Variants in NADK2 observed in about 807,000 individuals in gnomAD.
NADK2 encodes NAD kinase domain-containing protein 1, mitochondrial.
A neutral mutation model predicts 62.1 loss-of-function variants in NADK2; 35 were observed. The ratio of observed to expected loss-of-function variants is 0.56; its 90% confidence interval spans 0.43 to 0.75. NADK2 has a LOEUF of 0.75. Among genes scored for constraint, NADK2 ranks in the 30% least tolerant of loss-of-function variants. The pLI, the probability that NADK2 is intolerant of heterozygous loss-of-function variation, is 0.00. For synonymous variants in NADK2, 205 were observed against 207.9 expected, an observed-to-expected ratio of 0.99 and a Z score of 0.12; for missense variants, 439 against 561.3, an observed-to-expected ratio of 0.78 and a Z score of 2.20.
At chr5:36,211,953 A>T (rs1203099710) in intron 6 of NADK2, 31 bp from the exon 7 acceptor site, 2 of 1,488,230 alleles carry the variant, frequency 1.3e-6, no homozygotes, top group Non-Finnish European at 1.8e-6. Flanking sequence ...AGAAAATCCA[A>T]GATAGCTCCT....
At chr5:36,215,596 C>G (rs958396323) in intron 6 of NADK2, among the ~76,000 whole-genome samples, 1 of 152,150 alleles carries the variant, frequency 6.6e-6, no homozygotes, top group African/African-American at 2.4e-5. Context: ...CTCTGTTTAT[C>G]CCACCTTTCA....
chr5:36,208,726 T>C lies in NADK2; in HGVS notation c.861-1461A>G, dbSNP rs998141374. ...ACAAATAGGAGAAAAGAAAACAAAA[T>C]TGGGCCTTTAAAATGTTCTTAAATC... On this transcript the variant is annotated intron_variant, in intron 7 of 11. Transcript: ENST00000381937. The C allele has an allele frequency of 6.7e-6, 9 of 1,343,698 alleles. No homozygotes were observed. The African/African-American group carries it at 1.0e-4, about 15-fold the overall frequency. The allele number at this position is 1,343,698 out of a possible 1,614,324, so 83.2% of individuals were successfully genotyped here.
Position 36,193,711 on chromosome 5 carries a change from G to T in NADK2, c.*1433C>A, listed in dbSNP as rs951176163. The T allele has an allele frequency of 6.6e-6, 1 of 152,466 alleles. No individual in the cohort carries two copies. The highest frequency in any genetic ancestry group is 3.2e-3 in the Middle Eastern group (1 of 316). The allele number at this position is 152,466 out of a possible 1,614,324, so 9.4% of individuals were successfully genotyped here. ...TTCTCTGGATATACATCAAAACCTA[G>T]ATTAACTTTGTACATTAACATTTAT... On this transcript the variant is annotated 3_prime_UTR_variant, in exon 12 of 12. Transcript: ENST00000381937.
At position 36,241,917 on chromosome 5, in the gene NADK2, G is replaced by T; in HGVS notation, c.-119C>A. 1 of 869,290 alleles carries T rather than the reference G, an allele frequency of 1.2e-6. No homozygotes were observed. The highest frequency in any genetic ancestry group is 1.4e-6 in the Non-Finnish European group (1 of 702,360). 53.8% of individuals were successfully genotyped at this position (869,290 alleles called of 1,614,324 possible). A position where few individuals can be genotyped will look rare whatever the true frequency, so the allele number is the denominator to read the frequency against. The stretch of plus-strand genomic sequence containing the variant: ...CTAACTTCGCGCCGGACGGGCAGAG[G>T]TTAAGTGCCAGGACGTGCGTGGCCC... On this transcript the variant is annotated 5_prime_UTR_variant, in exon 1 of 12. Coordinates refer to ENST00000381937, the MANE Select transcript of NADK2 (RefSeq NM_001085411.3). This position sits in a 1 kb window ranked among gnomAD's most constrained non-coding sequence, Gnocchi z 4.9.
rs1746674567 is a variant in NADK2 at position 36,207,250 on chromosome 5, C to T, written c.876G>A (p.Glu292=). The change falls in exon 8 of 12, where the codon GAG becomes GAA. Residue 292 remains glutamate (E), a synonymous_variant. Transcript: ENST00000381937. Reference sequence around the variant, plus strand: ...CCCATGGACCATCATCAACTGAAATCTCATAGTAGGAAGCCCTGTGAATTG... The same window carrying T: ...CCCATGGACCATCATCAACTGAAATTTCATAGTAGGAAGCCCTGTGAATTG... ...ESLSSRASYY[E]ISVDDGPWEK... is the part of the protein sequence containing the mutation. 6.2e-7 allele frequency: 1 copy of T among 1,612,472 alleles called. No individual in the cohort carries two copies. Among genetic ancestry groups the T allele is most frequent in the Non-Finnish European group, 8.5e-7 (1 of 1,178,928 alleles).
chr5:36,202,539 T>C (rs1445638357), intron 8 of NADK2, among the ~76,000 whole-genome samples: 1 of 152,082 alleles, frequency 6.6e-6, no homozygotes, highest in Non-Finnish European at 1.5e-5. Flanking sequence ...GGAAGAATTT[T>C]TGGAGATGCA....
chr5:36,233,665 TTTTA>T (rs1434691783), intron 1 of NADK2, among the ~76,000 whole-genome samples: 4 of 152,220 alleles, frequency 2.6e-5, no homozygotes, highest in Admixed American at 2.0e-4. Flanking sequence ...CCCTGTTATC[TTTTA>T]TTTAAAGATG....
At chr5:36,235,975 C>T (rs948797653) in intron 1 of NADK2, among the ~76,000 whole-genome samples, 3 of 151,024 alleles carry the variant, frequency 2.0e-5, no homozygotes, top group Non-Finnish European at 2.9e-5. Context: ...TATATATTTC[C>T]GTTGTACATT....
chr5:36,198,961 T>C (rs1320986099), intron 10 of NADK2, among the ~76,000 whole-genome samples: 4 of 151,362 alleles, frequency 2.6e-5, no homozygotes, highest in African/African-American at 9.7e-5. Context: ...TCAAATATTG[T>C]ATCAGGTTAT....
intron 5 of NADK2, among the ~76,000 whole-genome samples, chr5:36,219,136 C>A (rs979972717): frequency 2.6e-5 from 4 of 152,180 alleles, no homozygotes; most frequent in Non-Finnish European, 5.9e-5. Flanking sequence ...TGTGACTCAG[C>A]TAATACATTA....
rs16902798 is a variant in NADK2 at position 36,193,746 on chromosome 5, T to C, written c.*1398A>G. The C allele has an allele frequency of 6.6e-6, 1 of 152,574 alleles. No homozygotes were observed. The highest frequency in any genetic ancestry group is 1.5e-5 in the Non-Finnish European group (1 of 68,036). The allele number at this position is 152,574 out of a possible 1,614,324, so 9.5% of individuals were successfully genotyped here. A position where few individuals can be genotyped will look rare whatever the true frequency, so the allele number is the denominator to read the frequency against. On this transcript the variant is annotated 3_prime_UTR_variant, in exon 12 of 12. Coordinates refer to ENST00000381937, the MANE Select transcript of NADK2 (RefSeq NM_001085411.3). ...GTACATTAACATTTATTTTAAAAAATTGATAAGAACAACATGTTAAATATT... is the reference window on the plus strand; with the variant it reads ...GTACATTAACATTTATTTTAAAAAACTGATAAGAACAACATGTTAAATATT...
intron 4 of NADK2, among the ~76,000 whole-genome samples, chr5:36,222,711 G>A (rs1030336735): frequency 6.6e-6 from 1 of 152,216 alleles, no homozygotes; most frequent in African/African-American, 2.4e-5. Flanking sequence ...TAGAAGGAGA[G>A]AGACTGTAAG....
intron 4 of NADK2, 53 bp from the exon 5 acceptor site, chr5:36,219,732 G>A (rs995996734): frequency 7.2e-7 from 1 of 1,395,696 alleles, no homozygotes; most frequent in South Asian, 1.2e-5. Flanking sequence ...GAAAAAAGGT[G>A]AAGCAAAAAA....
Position 36,201,106 on chromosome 5 carries a change from C to CA in NADK2, c.1011dup (p.Ala338CysfsTer22). On this transcript the variant is annotated frameshift_variant and splice_region_variant, in exon 9 of 12. Transcript: ENST00000381937. LOFTEE classifies it high-confidence loss of function. Reference sequence around the variant, plus strand: ...CTCCAATAGCTGTTTTGGTACTCACCAATATTTAAAACATCTTCTACAGCC... The same window carrying CA: ...CTCCAATAGCTGTTTTGGTACTCACCAAATATTTAAAACATCTTCTACAGCC... The CA allele has an allele frequency of 1.2e-6, 2 of 1,612,128 alleles. No homozygotes were observed. Among genetic ancestry groups the CA allele is most frequent in the Non-Finnish European group, 1.7e-6 (2 of 1,178,780 alleles).
chr5:36,207,381 C>T (rs1746680008), intron 7 of NADK2, 116 bp from the exon 8 acceptor site: 2 of 671,516 alleles, frequency 3.0e-6, no homozygotes, highest in African/African-American at 3.7e-5. Flanking sequence ...AAATACTTGA[C>T]TTAGTAGGCA....
intron 11 of NADK2, 108 bp from the exon 12 acceptor site, chr5:36,195,390 G>A (rs935718699): frequency 2.5e-6 from 3 of 1,176,970 alleles, no homozygotes; most frequent in East Asian, 5.4e-5. Flanking sequence ...TAAAAATCAA[G>A]TTGTTCTCTG....
chr5:36,213,752 A>C (rs1746942276), intron 6 of NADK2, among the ~76,000 whole-genome samples: 1 of 151,828 alleles, frequency 6.6e-6, no homozygotes, highest in African/African-American at 2.4e-5. Flanking sequence ...ATAAATGGCT[A>C]AAATTTATTG....
Position 36,205,464 on chromosome 5 carries a change from A to T in NADK2, c.956+1706T>A, listed in dbSNP as rs1746600518. On this transcript the variant is annotated intron_variant, in intron 8 of 11. Transcript: ENST00000381937. The surrounding 1 kb of genome is among the most constrained non-coding windows in gnomAD (Gnocchi z 4.1). ...CTGAGAATTGCAAGTAGCTGTGCCAATTCTAGTGTGCCATAGGTGGGGGTA... is the reference window on the plus strand; with the variant it reads ...CTGAGAATTGCAAGTAGCTGTGCCATTTCTAGTGTGCCATAGGTGGGGGTA... Among the ~76,000 whole-genome samples, 1 of 152,088 alleles carries T rather than the reference A, an allele frequency of 6.6e-6. No homozygotes were observed. The highest frequency in any genetic ancestry group is 2.1e-4 in the South Asian group (1 of 4,832).
chr5:36,231,804 T>C (rs185791886), intron 1 of NADK2, among the ~76,000 whole-genome samples: 104 of 152,324 alleles, frequency 6.8e-4, no homozygotes, highest in Non-Finnish European at 1.4e-3. Context: ...GACAATGTCT[T>C]ACCATTAAAA....
Sources: gnomAD v4.1 joint callset for allele counts (sites outside exome capture counted in the v4.1 genomes callset) on GRCh38, gnomAD v4.1.1 for gene constraint, Gnocchi (gnomAD v3.1) non-coding constraint, MANE v1.5 for transcripts, NCBI Gene and HGNC (gene_info 2026-07-23, HGNC 2026-07-21) for gene names.